Variants in LYPLA1 observed in about 807,000 individuals in gnomAD.
The protein encoded by LYPLA1 is lysophospholipase 1.
A neutral mutation model predicts 34.0 loss-of-function variants in LYPLA1; 17 were observed. The observed-to-expected ratio is 0.50, with a 90% CI of 0.34 to 0.75. LYPLA1 has a LOEUF of 0.75. LYPLA1 is among the 30% of genes least tolerant of loss of function. The pLI is 0.01. For missense variants in LYPLA1, 203 were observed against 288.8 expected (o/e 0.70, Z 2.15); for synonymous variants, 98 against 100.8 (o/e 0.97, Z 0.17).
rs1475200586 is a variant in LYPLA1 at position 54,048,085 on chromosome 8, G to A, written c.673C>T (p.Leu225Phe). ...TGACGTCAATCAATTGGAGGTAGGA[G>A]TTTATCAATGAATTGCTTGACATCC... is the stretch of plus-strand genomic sequence containing the variant. Reference protein sequence around the residue: ...MMDVKQFIDKLLPPID With the variant: ...MMDVKQFIDKFLPPID The change falls in exon 9 of 9, where the codon CTC becomes TTC. Residue 225 changes from leucine (L) to phenylalanine (F), a missense_variant. Physicochemically the swap from Leu to Phe is conservative, Grantham distance 22. Coordinates refer to ENST00000316963, the MANE Select transcript of LYPLA1 (RefSeq NM_006330.4). 6.2e-7 allele frequency: 1 copy of A among 1,609,474 alleles called. No individual in the cohort carries two copies.
chr8:54,101,516 C>T lies in LYPLA1; in HGVS notation c.69+239G>A, dbSNP rs965508929. Reference sequence around the variant, plus strand: ...AGGCCGGCCCGCGGGGGTCCCGGGGCCACACTTCCTCCGCAATGCAGGGAG... The same window carrying T: ...AGGCCGGCCCGCGGGGGTCCCGGGGTCACACTTCCTCCGCAATGCAGGGAG... On this transcript the variant is annotated intron_variant, in intron 1 of 8. Transcript: ENST00000316963. The T allele has an allele frequency of 1.2e-5, 14 of 1,136,184 alleles. No homozygotes were observed. The South Asian group carries it at 5.7e-4, about 46-fold the overall frequency. 70.4% of individuals were successfully genotyped at this position (1,136,184 alleles called of 1,614,324 possible).
At chr8:54,065,445 G>A (rs1286581221) in intron 3 of LYPLA1, among the ~76,000 whole-genome samples, 2 of 144,188 alleles carry the variant, frequency 1.4e-5, no homozygotes, top group African/African-American at 2.6e-5. Flanking sequence ...GTGGCAGAGT[G>A]AGACTCTGTC....
chr8:54,059,098 C>A (rs965653317), intron 5 of LYPLA1, among the ~76,000 whole-genome samples: 1 of 152,158 alleles, frequency 6.6e-6, no homozygotes, highest in South Asian at 2.1e-4. Flanking sequence ...ATGAGGCCCA[C>A]GTATCTTCTT....
intron 2 of LYPLA1, among the ~76,000 whole-genome samples, chr8:54,092,961 C>T (rs1809418634): frequency 6.6e-6 from 1 of 152,112 alleles, no homozygotes. Flanking sequence ...ACCACTCATC[C>T]CCAACCCCAT....
intron 2 of LYPLA1, among the ~76,000 whole-genome samples, chr8:54,089,312 A>G (rs1809031910): frequency 6.6e-6 from 1 of 152,182 alleles, no homozygotes; most frequent in African/African-American, 2.4e-5. Flanking sequence ...GAACAAGAAT[A>G]TATTTTGAGA....
chr8:54,100,175 A>C (rs1441259486), intron 2 of LYPLA1: 1 of 152,186 alleles, frequency 6.6e-6, no homozygotes, highest in Non-Finnish European at 1.5e-5. Context: ...TAAAAGATAA[A>C]TCATGTATCT....
intron 2 of LYPLA1, among the ~76,000 whole-genome samples, chr8:54,093,049 T>A (rs1343448382): frequency 6.6e-6 from 1 of 152,046 alleles, no homozygotes; most frequent in Non-Finnish European, 1.5e-5. Flanking sequence ...AGAAAAAAAA[T>A]GACCTAAGAC....
intron 2 of LYPLA1, among the ~76,000 whole-genome samples, chr8:54,093,828 T>C (rs1809484570): frequency 6.6e-6 from 1 of 152,270 alleles, no homozygotes; most frequent in Non-Finnish European, 1.5e-5. Context: ...ATGTGAATTT[T>C]ATCTTAATGA....
At chr8:54,049,510 C>T (rs1805699386) in intron 8 of LYPLA1, among the ~76,000 whole-genome samples, 1 of 152,214 alleles carries the variant, frequency 6.6e-6, no homozygotes, top group East Asian at 1.9e-4. Context: ...GTGATCCTCT[C>T]GCCTCAGCCT....
intron 2 of LYPLA1, among the ~76,000 whole-genome samples, chr8:54,081,814 C>T (rs906140664): frequency 1.3e-5 from 2 of 151,418 alleles, no homozygotes; most frequent in Admixed American, 1.3e-4. Context: ...ACTGCAATCT[C>T]CGCCTCCCAG....
In LYPLA1 at chr8:54,101,785, G is replaced by C; in HGVS notation, c.39C>G (p.Ile13Met). The C allele has an allele frequency of 7.7e-7, 1 of 1,297,990 alleles. No individual in the cohort carries two copies. Among genetic ancestry groups the C allele is most frequent in the Non-Finnish European group, 9.8e-7 (1 of 1,015,564 alleles). 80.4% of individuals were successfully genotyped at this position (1,297,990 alleles called of 1,614,324 possible). ...GNNMSTPLPA[I>M]VPAARKATAA... ...CGGTGGCCTTCCGGGCGGCGGGCAC[G>C]ATGGCGGGCAGCGGGGTTGACATGT... Residue 13 changes from isoleucine to methionine, a missense_variant, in exon 1 of 9, where the codon ATC (isoleucine) becomes ATG (methionine). This residue lies in a region of LYPLA1 where 75 missense variants were observed against 73.5 expected (regional missense o/e 1.02). Coordinates refer to ENST00000316963, the MANE Select transcript of LYPLA1 (RefSeq NM_006330.4).
intron 2 of LYPLA1, among the ~76,000 whole-genome samples, chr8:54,070,258 T>A (rs1245468339): frequency 1.3e-5 from 2 of 152,136 alleles, no homozygotes; most frequent in Non-Finnish European, 2.9e-5. Context: ...GAAGTTGCGG[T>A]GAGCCGAGAT....
intron 7 of LYPLA1, among the ~76,000 whole-genome samples, chr8:54,052,055 T>A (rs1196802485): frequency 1.1e-4 from 17 of 151,546 alleles, no homozygotes. Flanking sequence ...TTCACCATGT[T>A]GGCCAGGCTG....
intron 6 of LYPLA1, 66 bp downstream of exon 6, chr8:54,054,994 A>G: frequency 1.1e-6 from 1 of 941,150 alleles, no homozygotes; most frequent in Non-Finnish European, 1.7e-6. Flanking sequence ...TATAGAAAGG[A>G]TTAATGCACA....
intron 2 of LYPLA1, among the ~76,000 whole-genome samples, chr8:54,068,207 T>A (rs1276231478): frequency 6.6e-6 from 1 of 152,116 alleles, no homozygotes; most frequent in Non-Finnish European, 1.5e-5. Flanking sequence ...TAAAACATAT[T>A]AAGAAATACA....
At chr8:54,067,692 A>G (rs928623597) in intron 2 of LYPLA1, among the ~76,000 whole-genome samples, 17 of 149,254 alleles carry the variant, frequency 1.1e-4, no homozygotes, top group Non-Finnish European at 2.4e-4. Context: ...GATGAATGTT[A>G]ATTTTTTTTT....
chr8:54,049,133 T>C (rs555309596), intron 8 of LYPLA1, among the ~76,000 whole-genome samples: 116 of 152,334 alleles, frequency 7.6e-4, no homozygotes, highest in African/African-American at 2.6e-3. Context: ...CCAGGCACCC[T>C]TGTCTTTCTG....
Position 54,062,118 on chromosome 8 carries a change from A to T in LYPLA1, c.286+136T>A. ...GGTGACCCACCCGCCTCTACTTCCCAAAGTACTGGGATTACAGGCGTGAGC... is the reference window on the plus strand; with the variant it reads ...GGTGACCCACCCGCCTCTACTTCCCTAAGTACTGGGATTACAGGCGTGAGC... On this transcript the variant is annotated intron_variant, in intron 5 of 8. Coordinates refer to ENST00000316963, the MANE Select transcript of LYPLA1 (RefSeq NM_006330.4). The T allele has an allele frequency of 5.1e-6, 3 of 594,032 alleles. No homozygotes were observed. The South Asian group carries it at 6.1e-5, about 12-fold the overall frequency. 36.8% of individuals were successfully genotyped at this position (594,032 alleles called of 1,614,324 possible).
At chr8:54,051,268 AATATGCAT>A in intron 7 of LYPLA1, 80 bp from the exon 8 acceptor site, 1 of 1,179,472 alleles carries the variant, frequency 8.5e-7, no homozygotes, top group Non-Finnish European at 1.2e-6. Flanking sequence ...ATTGTACATA[AATATGCAT>A]ATATATAACA....
Sources: gnomAD v4.1 joint callset for allele counts (sites outside exome capture counted in the v4.1 genomes callset) on GRCh38, gnomAD v4.1.1 for gene constraint, gnomAD v4.1.1 regional missense constraint, MANE v1.5 for transcripts, NCBI Gene and HGNC (gene_info 2026-07-23, HGNC 2026-07-21) for gene names.